RPP30: variants seen among roughly 807,000 people sequenced by gnomAD.
RPP30 encodes the protein ribonuclease P protein subunit p30.
In RPP30, 36 loss-of-function variants were observed where a neutral mutation model predicts 38.6. That is an observed-to-expected ratio of 0.93 (90% confidence interval 0.71 to 1.23). RPP30 has a LOEUF of 1.23. RPP30 is among the 50% of genes most tolerant of loss of function. The probability of loss-of-function intolerance (pLI) is 0.00; values close to 1 mark genes in which losing one functional copy is unlikely to be tolerated. For synonymous variants in RPP30, 126 were observed against 112.7 expected, an observed-to-expected ratio of 1.12 and a Z score of -0.75; for missense variants, 321 against 321.7, an observed-to-expected ratio of 1.00 and a Z score of 0.02.
At chr10:90,891,873 T>C (rs1165263010) in intron 6 of RPP30, among the ~76,000 whole-genome samples, 3 of 152,236 alleles carry the variant, frequency 2.0e-5, no homozygotes, top group Admixed American at 6.5e-5. Flanking sequence ...TGTTTTCTTA[T>C]GTTGCTTTGT....
At chr10:90,895,137 C>T in intron 7 of RPP30, 1 of 565,332 alleles carries the variant, frequency 1.8e-6, no homozygotes, top group Non-Finnish European at 3.2e-6. Flanking sequence ...AATTTACATA[C>T]TGTGAAAGAA....
At chr10:90,882,253 A>G (rs867163955) in intron 5 of RPP30, among the ~76,000 whole-genome samples, 4 of 152,188 alleles carry the variant, frequency 2.6e-5, no homozygotes, top group Non-Finnish European at 5.9e-5. Context: ...GCACCCTATC[A>G]GTTTAAAAAA....
Position 90,878,491 on chromosome 10 carries a change from T to G in RPP30, c.271-572T>G, listed in dbSNP as rs534760313. Among the ~76,000 whole-genome samples the G allele has an allele frequency of 1.2e-4, 18 of 152,236 alleles. No homozygotes were observed. The Middle Eastern group carries it at 0.01, about 86-fold the overall frequency. ...GTTTAAGATGATATTTTCTTTCTTC[T>G]TCTTCATTTTTTTTTTTTGAGATGA... On this transcript the variant is annotated intron_variant, in intron 4 of 10. Transcript: ENST00000371703.
chr10:90,872,557 T>C (rs1418533769), intron 1 of RPP30, among the ~76,000 whole-genome samples: 1 of 151,906 alleles, frequency 6.6e-6, no homozygotes, highest in Non-Finnish European at 1.5e-5. Flanking sequence ...GCAGAGGACA[T>C]ACACAGCGGA....
chr10:90,891,116 A>G (rs1847077182), intron 6 of RPP30, among the ~76,000 whole-genome samples: 1 of 152,248 alleles, frequency 6.6e-6, no homozygotes, highest in Admixed American at 6.5e-5. Context: ...GATTTAAACA[A>G]CAGTTTTAAA....
intron 8 of RPP30, 80 bp from the exon 9 acceptor site, chr10:90,895,800 A>G: frequency 9.4e-7 from 1 of 1,062,664 alleles, no homozygotes; most frequent in Non-Finnish European, 1.4e-6. Context: ...GGATACTTAA[A>G]TTTTCTATTA....
rs192557367 is a variant in RPP30, at chr10:90,894,497, G to A, written c.433-278G>A. ...TAGTAGCCCCTCTCTCACGCCATTG[G>A]GACTTTGTTCTTCTTAGCCTCTTCA... On this transcript the variant is annotated intron_variant, in intron 6 of 10. Coordinates refer to ENST00000371703, the MANE Select transcript of RPP30 (RefSeq NM_006413.5). Among the ~76,000 whole-genome samples the A allele has an allele frequency of 5.3e-5, 8 of 152,182 alleles. No homozygotes were observed. In the East Asian group the frequency reaches 1.2e-3, roughly 22 times the overall value.
At chr10:90,896,543 A>C in intron 10 of RPP30, 151 bp downstream of exon 10, 1 of 588,798 alleles carries the variant, frequency 1.7e-6, no homozygotes, top group Non-Finnish European at 3.0e-6. Context: ...GTGTTTTCTC[A>C]CCCTCACTTC....
At chr10:90,884,239 G>C (rs1418558407) in intron 5 of RPP30, among the ~76,000 whole-genome samples, 2 of 152,128 alleles carry the variant, frequency 1.3e-5, no homozygotes, top group African/African-American at 4.8e-5. Context: ...TGCACTTATA[G>C]AGACTTCTCT....
intron 4 of RPP30, 21 bp downstream of exon 4, chr10:90,876,119 C>G: frequency 6.9e-7 from 1 of 1,453,178 alleles, no homozygotes; most frequent in Non-Finnish European, 9.7e-7. Flanking sequence ...TATTTTTCTT[C>G]TCTCCTTTTG....
At position 90,895,865 on chromosome 10, in the gene RPP30, T is replaced by C. The variant is rs1325989013; in HGVS notation, c.580-15T>C. 3 of 1,577,682 alleles carry C rather than the reference T, an allele frequency of 1.9e-6. No individual in the cohort carries two copies. In the East Asian group the frequency reaches 6.8e-5, roughly 36 times the overall value. On this transcript the variant is annotated splice_polypyrimidine_tract_variant and intron_variant, in intron 8 of 10. Coordinates refer to ENST00000371703, the MANE Select transcript of RPP30 (RefSeq NM_006413.5). ...ATAATTTTCTCATATCTACTCTTTG[T>C]TCATTTTATTTCAGCCTTTAGAAAT...
chr10:90,903,718 C>T (rs1055578380), downstream of RPP30, among the ~76,000 whole-genome samples: 1 of 152,136 alleles, frequency 6.6e-6, no homozygotes, highest in South Asian at 2.1e-4. Context: ...ATACCTCTGC[C>T]AAACCAAGAT....
chr10:90,885,517 C>G (rs895551605), intron 5 of RPP30, among the ~76,000 whole-genome samples: 1 of 152,224 alleles, frequency 6.6e-6, no homozygotes, highest in Admixed American at 6.5e-5. Flanking sequence ...CTGAGCCTCG[C>G]TCTGCAACCC....
intron 10 of RPP30, among the ~76,000 whole-genome samples, chr10:90,897,238 AGTT>A (rs1187086777): frequency 6.6e-6 from 1 of 152,220 alleles, no homozygotes; most frequent in African/African-American, 2.4e-5. Flanking sequence ...TCTTAGGACT[AGTT>A]GTAGTGGTTA....
chr10:90,876,189 C>A, intron 4 of RPP30, 91 bp downstream of exon 4: 1 of 815,376 alleles, frequency 1.2e-6, no homozygotes, highest in Non-Finnish European at 2.0e-6. Flanking sequence ...CCCCATTTTA[C>A]ATTTTCCCTC....
In RPP30 at chr10:90,879,147, T is replaced by C. The variant is rs113145555; in HGVS notation, c.342+13T>C. On this transcript the variant is annotated intron_variant, in intron 5 of 10. Coordinates refer to ENST00000371703, the MANE Select transcript of RPP30 (RefSeq NM_006413.5). ...AAAGCTTTTTCATGTGAGTAACAGA[T>C]AAGTAAAAGAAAGTAGTGTATATAT... The C allele has an allele frequency of 1.6e-5, 26 of 1,602,692 alleles. No individual in the cohort carries two copies. Among genetic ancestry groups the C allele is most frequent in the South Asian group, 2.2e-5 (2 of 90,798 alleles).
chr10:90,900,821 A>G lies in RPP30; in HGVS notation c.*142A>G. 1 of 1,362,128 alleles carries G rather than the reference A, an allele frequency of 7.3e-7. No homozygotes were observed. Among genetic ancestry groups the G allele is most frequent in the Non-Finnish European group, 9.4e-7 (1 of 1,059,248 alleles). The allele number at this position is 1,362,128 out of a possible 1,614,324, so 84.4% of individuals were successfully genotyped here. ...GTCTATAAAAACAGTTTTACTTGCA[A>G]TCCATTAAAACAACAAACGAAACCT... On this transcript the variant is annotated 3_prime_UTR_variant, in exon 11 of 11. Transcript: ENST00000371703.
At chr10:90,876,504 G>A (rs1846854102) in intron 4 of RPP30, among the ~76,000 whole-genome samples, 1 of 152,188 alleles carries the variant, frequency 6.6e-6, no homozygotes, top group African/African-American at 2.4e-5. Context: ...GTAAATAAAG[G>A]ATGCTCTGGG....
chr10:90,900,450 A>AT (rs1164621477), intron 10 of RPP30, 120 bp from the exon 11 acceptor site: 2 of 914,282 alleles, frequency 2.2e-6, no homozygotes, highest in African/African-American at 3.3e-5. Flanking sequence ...ACTAGCAGCC[A>AT]TAGCAGTTCA....
Sources: allele counts gnomAD v4.1 joint callset (sites outside exome capture counted in the v4.1 genomes callset), GRCh38; gene constraint gnomAD v4.1.1; transcripts MANE v1.5; gene names NCBI Gene and HGNC (gene_info 2026-07-23, HGNC 2026-07-21).